Variants in TMEM167A observed in about 807,000 individuals in gnomAD.
TMEM167A encodes the protein transmembrane protein 167A.
A neutral mutation model predicts 11.6 loss-of-function variants in TMEM167A; 8 were observed. The observed-to-expected ratio is 0.69, with a 90% CI of 0.40 to 1.24. The LOEUF is 1.24. Among genes scored for constraint, TMEM167A ranks in the 50% most tolerant of loss-of-function variants. TMEM167A has a pLI of 0.01. For synonymous variants in TMEM167A, 22 were observed against 28.0 expected (o/e 0.79, Z 0.67); for missense variants, 62 against 87.0 (o/e 0.71, Z 1.14).
intron 2 of TMEM167A, among the ~76,000 whole-genome samples, chr5:83,062,489 C>T (rs73136143): frequency 3.9e-4 from 60 of 152,078 alleles, no homozygotes; most frequent in African/African-American, 1.4e-3. Context: ...TTAAAGGACA[C>T]TCTATGTGAA....
At position 83,064,480 on chromosome 5, in the gene TMEM167A, T is replaced by C. The variant is rs992628527; in HGVS notation, c.113+528A>G. On this transcript the variant is annotated intron_variant, in intron 2 of 3. Transcript: ENST00000502346. ...ATTAGAATTCCAATAAAGTCATCAA[T>C]AGGAATAAGTGTTTACTAGAGTCTA... 6 of 403,444 alleles carry C rather than the reference T, an allele frequency of 1.5e-5. No homozygotes were observed. In the Admixed American group the frequency reaches 1.7e-4, roughly 12 times the overall value. The allele number at this position is 403,444 out of a possible 1,614,324, so 25.0% of individuals were successfully genotyped here.
At chr5:83,072,840 CTATTAGCCTAATGAAGTGGT>C (rs1361014655) in intron 1 of TMEM167A, among the ~76,000 whole-genome samples, 1 of 152,164 alleles carries the variant, frequency 6.6e-6, no homozygotes, top group Non-Finnish European at 1.5e-5. Context: ...CATCAGATTC[CTATTAGCCTAATGAAGTGGT>C]TATCAAAGGT....
intron 1 of TMEM167A, among the ~76,000 whole-genome samples, chr5:83,074,541 G>A (rs1303439624): frequency 6.6e-6 from 1 of 152,146 alleles, no homozygotes; most frequent in Non-Finnish European, 1.5e-5. Flanking sequence ...AAATCATTTA[G>A]TGCACCAAGA....
intron 1 of TMEM167A, 61 bp from the exon 2 acceptor site, chr5:83,065,178 T>C: frequency 9.5e-7 from 1 of 1,057,582 alleles, no homozygotes; most frequent in Non-Finnish European, 1.4e-6. Context: ...GTAAAAAATG[T>C]TTGACAATTC....
intron 3 of TMEM167A, among the ~76,000 whole-genome samples, chr5:83,060,643 G>A (rs1323951197): frequency 2.0e-5 from 3 of 151,896 alleles, no homozygotes; most frequent in Non-Finnish European, 2.9e-5. Flanking sequence ...CAGCCTGGCC[G>A]ACATAGTGAA....
chr5:83,072,023 T>C (rs973448255), intron 1 of TMEM167A, among the ~76,000 whole-genome samples: 1 of 152,238 alleles, frequency 6.6e-6, no homozygotes. Flanking sequence ...ATACTTTCCA[T>C]TTAACAACTT....
At chr5:83,061,243 G>C (rs1249053051) in intron 3 of TMEM167A, among the ~76,000 whole-genome samples, 5 of 152,002 alleles carry the variant, frequency 3.3e-5, no homozygotes, top group Admixed American at 3.3e-4. Context: ...TTATCAAAAT[G>C]GTATACATTA....
chr5:83,064,897 T>C (rs903242896), intron 2 of TMEM167A, 111 bp downstream of exon 2: 5 of 665,314 alleles, frequency 7.5e-6, no homozygotes, highest in African/African-American at 1.9e-5. Context: ...AAAAAGTTAT[T>C]ATAAAACCAA....
chr5:83,070,849 A>T (rs577696462), intron 1 of TMEM167A, among the ~76,000 whole-genome samples: 24 of 152,242 alleles, frequency 1.6e-4, no homozygotes, highest in Middle Eastern at 3.4e-3. Flanking sequence ...GGAGATTTTT[A>T]AAAAAGACGA....
intron 3 of TMEM167A, among the ~76,000 whole-genome samples, chr5:83,058,162 T>C (rs1167670934): frequency 6.6e-6 from 1 of 152,066 alleles, no homozygotes; most frequent in Non-Finnish European, 1.5e-5. Flanking sequence ...TTAGGCAAAC[T>C]ACCTCTAGAA....
At chr5:83,057,183 G>T in intron 3 of TMEM167A, 29 bp from the exon 4 acceptor site, 1 of 1,600,506 alleles carries the variant, frequency 6.2e-7, no homozygotes, top group South Asian at 1.1e-5. Context: ...TGTTCATCTT[G>T]ATTAACTGAG....
intron 1 of TMEM167A, among the ~76,000 whole-genome samples, chr5:83,071,630 G>A (rs1450329742): frequency 1.3e-5 from 2 of 152,144 alleles, no homozygotes; most frequent in African/African-American, 4.8e-5. Flanking sequence ...TGGTTGAAAA[G>A]ATTTCCACTA....
chr5:83,076,878 A>T (rs146553511), intron 1 of TMEM167A, among the ~76,000 whole-genome samples: 1 of 152,214 alleles, frequency 6.6e-6, no homozygotes, highest in Non-Finnish European at 1.5e-5. Flanking sequence ...GCTACTGACT[A>T]AACAGATGAA....
chr5:83,077,012 T>C lies in TMEM167A; in HGVS notation c.3+309A>G, dbSNP rs28383108. Among the ~76,000 whole-genome samples, 799 of 152,338 alleles carry C rather than the reference T, an allele frequency of 5.2e-3. 8 individuals are homozygous for C. Among genetic ancestry groups the C allele is most frequent in the African/African-American group, 0.018 (748 of 41,578 alleles). Reference sequence around the variant, plus strand: ...AAACAAGCGGAAACTCGAGAAGCGCTAATGCTTCAAAGGGTCAATGACCAC... The same window carrying C: ...AAACAAGCGGAAACTCGAGAAGCGCCAATGCTTCAAAGGGTCAATGACCAC... On this transcript the variant is annotated intron_variant, in intron 1 of 3. Transcript: ENST00000502346.
At chr5:83,067,634 A>T (rs1415262898) in intron 1 of TMEM167A, among the ~76,000 whole-genome samples, 1 of 151,160 alleles carries the variant, frequency 6.6e-6, no homozygotes, top group Non-Finnish European at 1.5e-5. Flanking sequence ...TCTCCCCAGT[A>T]GCTAGGATTA....
chr5:83,068,271 A>G (rs889937163), intron 1 of TMEM167A, among the ~76,000 whole-genome samples: 1 of 152,134 alleles, frequency 6.6e-6, no homozygotes, highest in African/African-American at 2.4e-5. Flanking sequence ...GGCACATGGT[A>G]TGATTCCTTC....
At chr5:83,073,568 G>A (rs372389640) in intron 1 of TMEM167A, among the ~76,000 whole-genome samples, 5 of 152,302 alleles carry the variant, frequency 3.3e-5, no homozygotes, top group East Asian at 1.9e-4. Context: ...TGTTGACGGT[G>A]CCGGGAGCCA....
intron 1 of TMEM167A, among the ~76,000 whole-genome samples, chr5:83,065,453 T>C (rs1158637585): frequency 6.6e-6 from 1 of 152,144 alleles, no homozygotes; most frequent in East Asian, 1.9e-4. Context: ...TAATTTTCCA[T>C]GAGTTGACAA....
intron 2 of TMEM167A, among the ~76,000 whole-genome samples, chr5:83,063,310 C>T (rs899640397): frequency 3.3e-5 from 5 of 152,042 alleles, no homozygotes; most frequent in Non-Finnish European, 5.9e-5. Flanking sequence ...AGTGATTACA[C>T]GGAAAGTCCT....
Sources: gnomAD v4.1 joint callset for allele counts (sites outside exome capture counted in the v4.1 genomes callset) on GRCh38, gnomAD v4.1.1 for gene constraint, MANE v1.5 for transcripts, NCBI Gene and HGNC (gene_info 2026-07-23, HGNC 2026-07-21) for gene names.